Variants in DENND5B observed in about 807,000 individuals in gnomAD.
The protein encoded by DENND5B is DENN domain containing 5B, also known as DENN domain-containing protein 5B.
A neutral mutation model predicts 140.6 loss-of-function variants in DENND5B; 34 were observed. The ratio of observed to expected loss-of-function variants is 0.24; its 90% CI spans 0.18 to 0.32. DENND5B has a LOEUF of 0.32. Ranked by LOEUF, DENND5B falls within the 10% of genes least tolerant of loss-of-function variation. The probability of loss-of-function intolerance (pLI) is 1.00; values close to 1 mark genes in which losing one functional copy is unlikely to be tolerated. For missense variants in DENND5B, 1,142 were observed against 1,560.2 expected, an observed-to-expected ratio of 0.73 and a Z score of 4.52; for synonymous variants, 551 against 562.1, an observed-to-expected ratio of 0.98 and a Z score of 0.28.
intron 1 of DENND5B, among the ~76,000 whole-genome samples, chr12:31,519,550 T>C (rs67415228): frequency 0.13 from 20,432 of 152,214 alleles, 1,620 homozygotes; most frequent in Non-Finnish European, 0.18. Flanking sequence ...AGCAATCTAA[T>C]ACATTGTTAG....
intron 5 of DENND5B, among the ~76,000 whole-genome samples, chr12:31,448,792 T>C (rs1198410148): frequency 1.3e-5 from 2 of 152,100 alleles, no homozygotes; most frequent in African/African-American, 2.4e-5. Flanking sequence ...CGGAGGATCC[T>C]GTGAGCCCAG....
chr12:31,394,374 A>G (rs1157782411), intron 17 of DENND5B, among the ~76,000 whole-genome samples: 2 of 152,232 alleles, frequency 1.3e-5, no homozygotes, highest in Non-Finnish European at 2.9e-5. Context: ...CGATTAAAAA[A>G]AAATGGGGGA....
rs187572764 is a variant in DENND5B at position 31,441,787 on chromosome 12, T to C, written c.2012+988A>G. ...CACCGTAGCCTCAACCTCCTGGGGC[T>C]CAAGTGATTCTCCCACTTGAGTAAA... On this transcript the variant is annotated intron_variant, in intron 7 of 20. Transcript: ENST00000389082. Among the ~76,000 whole-genome samples the C allele has an allele frequency of 1.3e-5, 2 of 152,234 alleles. 1 individual carries two copies. Among genetic ancestry groups the C allele is most frequent in the Admixed American group, 1.3e-4 (2 of 15,286 alleles).
chr12:31,487,251 T>C (rs1013968775), intron 2 of DENND5B, among the ~76,000 whole-genome samples: 2 of 152,208 alleles, frequency 1.3e-5, no homozygotes, highest in Non-Finnish European at 2.9e-5. Context: ...TATGAATACC[T>C]GGATTTGGTA....
At chr12:31,566,440 T>C (rs756415200) in intron 1 of DENND5B, among the ~76,000 whole-genome samples, 1 of 151,754 alleles carries the variant, frequency 6.6e-6, no homozygotes, top group African/African-American at 2.4e-5. Context: ...AAAACAGATA[T>C]ATATATATTA....
At chr12:31,549,442 C>G (rs1200532587) in intron 1 of DENND5B, among the ~76,000 whole-genome samples, 1 of 151,442 alleles carries the variant, frequency 6.6e-6, no homozygotes, top group African/African-American at 2.4e-5. Flanking sequence ...ATCTATATGG[C>G]TCTAATTTTC....
chr12:31,399,647 T>G lies in DENND5B; in HGVS notation c.3068+7A>C, dbSNP rs1941694955. The G allele has an allele frequency of 6.2e-7, 1 of 1,608,986 alleles. No homozygotes were observed. Among genetic ancestry groups the G allele is most frequent in the Non-Finnish European group, 8.5e-7 (1 of 1,176,074 alleles). On this transcript the variant is annotated splice_region_variant and intron_variant, in intron 16 of 20. Coordinates refer to ENST00000389082, the MANE Select transcript of DENND5B (RefSeq NM_144973.4). Reference sequence around the variant, plus strand: ...AGAATTCTGAGTTCCCAAGGCCATTTACTTACCTGTATGTATGTCCTGTGA... The same window carrying G: ...AGAATTCTGAGTTCCCAAGGCCATTGACTTACCTGTATGTATGTCCTGTGA...
At chr12:31,392,472 G>A in intron 18 of DENND5B, 79 bp from the exon 19 acceptor site, 5 of 1,583,330 alleles carry the variant, frequency 3.2e-6, no homozygotes, top group Non-Finnish European at 4.3e-6. Context: ...AGCAAGTGCT[G>A]AAGGTAGCTA....
chr12:31,451,485 A>G (rs544538631), intron 5 of DENND5B, among the ~76,000 whole-genome samples: 2 of 151,936 alleles, frequency 1.3e-5, no homozygotes, highest in Non-Finnish European at 2.9e-5. Flanking sequence ...CACCACGCCC[A>G]GCTAATTTTT....
intron 3 of DENND5B, among the ~76,000 whole-genome samples, chr12:31,461,516 G>A (rs895177978): frequency 6.6e-6 from 1 of 152,164 alleles, no homozygotes; most frequent in Non-Finnish European, 1.5e-5. Context: ...TTTGGAAGTA[G>A]ATATGCTTTA....
intron 7 of DENND5B, among the ~76,000 whole-genome samples, chr12:31,442,570 G>A (rs201348259): frequency 6.8e-6 from 1 of 146,604 alleles, no homozygotes; most frequent in Admixed American, 6.7e-5. Context: ...TCTAGCCTTT[G>A]TTTTTTTCTT....
At chr12:31,546,514 A>C (rs568162156) in intron 1 of DENND5B, among the ~76,000 whole-genome samples, 1 of 152,088 alleles carries the variant, frequency 6.6e-6, no homozygotes, top group Non-Finnish European at 1.5e-5. Context: ...TGGTGAAACC[A>C]CATCTCTACT....
At chr12:31,477,932 G>T in intron 3 of DENND5B, 1 of 226,504 alleles carries the variant, frequency 4.4e-6, no homozygotes, top group South Asian at 8.3e-5. Flanking sequence ...AAGAGCACTG[G>T]GGAATTAGTG....
chr12:31,572,353 T>C (rs1455200745), intron 1 of DENND5B, among the ~76,000 whole-genome samples: 2 of 152,208 alleles, frequency 1.3e-5, no homozygotes, highest in East Asian at 3.8e-4. Context: ...GTCCTACAGC[T>C]TCATTGTTAC....
intron 17 of DENND5B, among the ~76,000 whole-genome samples, chr12:31,397,270 C>A (rs997627493): frequency 2.0e-5 from 3 of 151,924 alleles, no homozygotes; most frequent in African/African-American, 7.2e-5. Context: ...GACACTGGGG[C>A]GGGCGTGGTG....
chr12:31,473,258 C>G (rs1234213530), intron 3 of DENND5B, among the ~76,000 whole-genome samples: 1 of 152,152 alleles, frequency 6.6e-6, no homozygotes, highest in Non-Finnish European at 1.5e-5. Flanking sequence ...AGCCTTAACG[C>G]AGGCTACAAT....
intron 17 of DENND5B, among the ~76,000 whole-genome samples, chr12:31,396,962 C>T (rs1941509123): frequency 6.6e-6 from 1 of 152,014 alleles, no homozygotes; most frequent in Admixed American, 6.6e-5. Flanking sequence ...TTTCAAGATC[C>T]CTATCACATC....
chr12:31,502,960 T>C (rs1947068469), intron 1 of DENND5B, among the ~76,000 whole-genome samples: 1 of 152,136 alleles, frequency 6.6e-6, no homozygotes, highest in South Asian at 2.1e-4. Context: ...CTGACATCCA[T>C]GGTCATGGAT....
intron 8 of DENND5B, among the ~76,000 whole-genome samples, chr12:31,429,970 C>T (rs986400517): frequency 3.1e-4 from 46 of 150,060 alleles, no homozygotes; most frequent in African/African-American, 1.1e-3. Flanking sequence ...GCCTCCCAAA[C>T]TGTTGGGATT....
Sources: gnomAD v4.1 joint callset for allele counts (sites outside exome capture counted in the v4.1 genomes callset) on GRCh38, gnomAD v4.1.1 for gene constraint, MANE v1.5 for transcripts, NCBI Gene and HGNC (gene_info 2026-07-23, HGNC 2026-07-21) for gene names.